The following SPG7 variants were observed in gnomAD, a reference collection of about 807,000 sequenced individuals.
SPG7 encodes mitochondrial inner membrane m-AAA protease component paraplegin.
Under a neutral mutation model 81.9 loss-of-function variants are expected in SPG7, and 103 were observed. That is an observed-to-expected ratio of 1.26 (90% CI 1.07 to 1.48). The LOEUF (loss-of-function observed/expected upper bound fraction) is 1.48, where lower values mean the gene tolerates loss of function less well. Ranked by LOEUF, SPG7 falls within the 40% of genes most tolerant of loss-of-function variation. The pLI is 0.00. For synonymous variants in SPG7, 534 were observed against 444.2 expected (o/e 1.20, Z -2.54); for missense variants, 1,241 against 1,087.3 (o/e 1.14, Z -1.99).
At chr16:89,531,775 T>G (rs903755908) in intron 7 of SPG7, 129 bp from the exon 8 acceptor site, 1 of 881,790 alleles carries the variant, frequency 1.1e-6, no homozygotes, top group Admixed American at 2.0e-5. Flanking sequence ...CCCAGGAGTT[T>G]GAGGCTGCAG....
At position 89,557,582 on chromosome 16, in the gene SPG7, C is replaced by CCACA. The variant is rs375330718; in HGVS notation, c.*491_*492insCACA. On this transcript the variant is annotated 3_prime_UTR_variant, in exon 17 of 17. Transcript: ENST00000645818. ...TCATCCAGCTCACTCATCAATGGGG[C>CCACA]CAGTCAGGCCCAGGCACTGGGCTCC... 0.21 allele frequency: 40,369 copies of CCACA among 191,904 alleles called. 4,799 individuals are homozygous for CCACA. The highest frequency in any genetic ancestry group is 0.34 in the African/African-American group (14,283 of 42,486). The allele number at this position is 191,904 out of a possible 1,614,324, so 11.9% of individuals were successfully genotyped here. A position where few individuals can be genotyped will look rare whatever the true frequency, so the allele number is the denominator to read the frequency against.
At chr16:89,526,793 A>C (rs2058268005) in intron 5 of SPG7, 1 of 364,308 alleles carries the variant, frequency 2.7e-6, no homozygotes, top group African/African-American at 2.1e-5. Flanking sequence ...AAGATGCCGA[A>C]GTCTCAGCCC....
Position 89,529,567 on chromosome 16 carries a change from A to C in SPG7, c.849A>C (p.Gly283=). 2 of 1,612,420 alleles carry C rather than the reference A, an allele frequency of 1.2e-6. No individual in the cohort carries two copies. Among genetic ancestry groups the C allele is most frequent in the Admixed American group, 1.7e-5 (1 of 60,002 alleles). The stretch of plus-strand genomic sequence containing the variant: ...CCGGGATGACTGGAAGGGAAGGTGG[A>C]TTCAGTGCTTTTGTAAGTTCTGTAA... ...RLAGMTGREG[G]FSAFNQLKMA... The change falls in exon 6 of 17, where the codon GGA becomes GGC. Residue 283 remains glycine (G), a synonymous_variant. Transcript: ENST00000645818.
chr16:89,554,780 C>T, intron 16 of SPG7: 1 of 572,698 alleles, frequency 1.7e-6, no homozygotes, highest in Non-Finnish European at 3.2e-6. Flanking sequence ...AAGAAGGCTG[C>T]CACAGTCTCC....
chr16:89,531,171 C>T (rs567554601), intron 7 of SPG7: 7 of 375,458 alleles, frequency 1.9e-5, no homozygotes, highest in East Asian at 6.6e-5. Context: ...ACGTTTCCTC[C>T]GCGGGCCTGG....
At chr16:89,525,174 C>T (rs926845179) in intron 4 of SPG7, among the ~76,000 whole-genome samples, 1 of 152,158 alleles carries the variant, frequency 6.6e-6, no homozygotes. Context: ...CACTATATTG[C>T]CCAGGCTGGT....
At chr16:89,539,508 CAAAT>C (rs1222248488) in intron 9 of SPG7, 2 of 152,150 alleles carry the variant, frequency 1.3e-5, no homozygotes, top group East Asian at 1.9e-4. Flanking sequence ...CTCAAAAAAA[CAAAT>C]AAATAAAAGA....
chr16:89,520,806 A>T (rs1454983847), intron 3 of SPG7: 1 of 152,116 alleles, frequency 6.6e-6, no homozygotes, highest in Non-Finnish European at 1.5e-5. Flanking sequence ...TCGACTCCCA[A>T]AGTGCTGGGA....
chr16:89,544,484 G>A (rs568354250), intron 9 of SPG7, 164 bp from the exon 10 acceptor site: 132 of 751,468 alleles, frequency 1.8e-4, no homozygotes, highest in East Asian at 1.9e-4. Context: ...GGCTGGGAGC[G>A]ATGGGGGATC....
At chr16:89,549,998 G>A (rs1480339896) in intron 12 of SPG7, 2 of 216,638 alleles carry the variant, frequency 9.2e-6, no homozygotes, top group African/African-American at 2.3e-5. Flanking sequence ...AAGAAATCAC[G>A]ACCTCCTTCA....
Position 89,554,571 on chromosome 16 carries a change from C to G in SPG7, c.2181+8C>G. On this transcript the variant is annotated splice_region_variant and intron_variant, in intron 16 of 16. Coordinates refer to ENST00000645818, the MANE Select transcript of SPG7 (RefSeq NM_003119.4). ...CTGGACAAGTTGCAGGCGGTGAGGC[C>G]CTGGCCAGGCGTGGGGGCTACGGCG... 1 of 1,602,826 alleles carries G rather than the reference C, an allele frequency of 6.2e-7. No homozygotes were observed. The highest frequency in any genetic ancestry group is 8.5e-7 in the Non-Finnish European group (1 of 1,175,830).
Position 89,529,483 on chromosome 16 carries a change from G to C in SPG7, c.765G>C (p.Leu255=). 1 of 1,612,442 alleles carries C rather than the reference G, an allele frequency of 6.2e-7. No individual in the cohort carries two copies. Among genetic ancestry groups the C allele is most frequent in the Non-Finnish European group, 8.5e-7 (1 of 1,178,872 alleles). The stretch of plus-strand genomic sequence containing the variant: ...CCTCTCTTTCTTCCGGCAGTGCCCT[G>C]TACTCTGTGGGGATGACGGCAGTGG... ...YKRTGFFGNA[L]YSVGMTAVGL... The change falls in exon 6 of 17, where the codon CTG becomes CTC. Residue 255 remains leucine, a synonymous_variant. Coordinates refer to ENST00000645818, the MANE Select transcript of SPG7 (RefSeq NM_003119.4).
intron 16 of SPG7, chr16:89,555,458 G>T (rs997901114): frequency 2.5e-5 from 4 of 160,566 alleles, no homozygotes; most frequent in African/African-American, 9.6e-5. Flanking sequence ...TCCCGTGGAG[G>T]CCCCCATGGG....
At chr16:89,532,257 T>C (rs979500187) in intron 8 of SPG7, among the ~76,000 whole-genome samples, 191 bp downstream of exon 8, 10 of 152,228 alleles carry the variant, frequency 6.6e-5, no homozygotes, top group African/African-American at 2.4e-4. Context: ...CCACCGTCAC[T>C]TGTGGCCTGG....
intron 9 of SPG7, among the ~76,000 whole-genome samples, chr16:89,534,048 A>G (rs938552775): frequency 5.3e-5 from 8 of 152,176 alleles, no homozygotes; most frequent in African/African-American, 1.9e-4. Flanking sequence ...TACCATTTTA[A>G]TCATTCTGAA....
chr16:89,523,264 T>G, intron 3 of SPG7: 1 of 221,036 alleles, frequency 4.5e-6, no homozygotes, highest in Non-Finnish European at 9.2e-6. Flanking sequence ...TCATGATATT[T>G]TTAAGTTCTA....
intron 9 of SPG7, among the ~76,000 whole-genome samples, chr16:89,542,457 G>A (rs1268443265): frequency 6.6e-6 from 1 of 152,212 alleles, no homozygotes; most frequent in Non-Finnish European, 1.5e-5. Context: ...CACTGTCTTT[G>A]CCTTGGCGAG....
In SPG7 at chr16:89,544,710, G is replaced by C. The variant is rs375418325; in HGVS notation, c.1387G>C (p.Gly463Arg). The C allele has an allele frequency of 6.2e-7, 1 of 1,614,088 alleles. No individual in the cohort carries two copies. The highest frequency in any genetic ancestry group is 8.5e-7 in the Non-Finnish European group (1 of 1,179,982). ...ASTNRADILD[G>R]ALMRPGRLDR... Reference sequence around the variant, plus strand: ...CACGAACCGAGCTGACATTTTGGACGGTGCTCTGATGAGGCCAGGCCGACT... The same window carrying C: ...CACGAACCGAGCTGACATTTTGGACCGTGCTCTGATGAGGCCAGGCCGACT... Residue 463 changes from glycine to arginine, a missense_variant, in exon 10 of 17, where the codon GGT (glycine) becomes CGT (arginine). Gly to Arg is a moderately radical substitution (Grantham distance 125). Transcript: ENST00000645818.
chr16:89,554,381 T>A (rs1292897738), intron 15 of SPG7, 105 bp from the exon 16 acceptor site: 3 of 792,130 alleles, frequency 3.8e-6, no homozygotes, highest in Non-Finnish European at 6.4e-6. Context: ...CTGTTCCTCC[T>A]GGGAGGGGAA....
Sources: allele counts gnomAD v4.1 joint callset (sites outside exome capture counted in the v4.1 genomes callset), GRCh38; gene constraint gnomAD v4.1.1; transcripts MANE v1.5; gene names NCBI Gene and HGNC (gene_info 2026-07-23, HGNC 2026-07-21).